The following RHBG variants were observed in gnomAD, a reference collection of about 807,000 sequenced individuals.
RHBG encodes the protein ammonium transporter Rh type B.
In RHBG, 39 loss-of-function variants were observed where a neutral mutation model predicts 40.1. That is an observed-to-expected ratio of 0.97 (90% CI 0.75 to 1.27). RHBG has a LOEUF of 1.27. Among genes scored for constraint, RHBG ranks in the 50% most tolerant of loss-of-function variants. RHBG has a pLI of 0.00. For synonymous variants in RHBG, 237 were observed against 252.5 expected (o/e 0.94, Z 0.58); for missense variants, 549 against 588.1 (o/e 0.93, Z 0.69).
chr1:156,384,983 C>T lies in RHBG; in HGVS notation c.*138C>T. 1 of 611,194 alleles carries T rather than the reference C, an allele frequency of 1.6e-6. No homozygotes were observed. The highest frequency in any genetic ancestry group is 2.9e-4 in the Middle Eastern group (1 of 3,500). The allele number at this position is 611,194 out of a possible 1,614,324, so 37.9% of individuals were successfully genotyped here. On this transcript the variant is annotated 3_prime_UTR_variant, in exon 10 of 10. Coordinates refer to ENST00000537040, the MANE Select transcript of RHBG (RefSeq NM_020407.5). ...CCAGAAGGAGGCCCCTTTCCACAGG[C>T]AGCGTCTCCACAGGGAGAGGGGCAA...
chr1:156,371,151 C>T (rs1266969864), intron 1 of RHBG: 2 of 431,992 alleles, frequency 4.6e-6, no homozygotes. Flanking sequence ...GCTCTCATTA[C>T]CTTATTTTCT....
chr1:156,375,784 G>A (rs1428762402), intron 1 of RHBG, among the ~76,000 whole-genome samples: 1 of 150,642 alleles, frequency 6.6e-6, no homozygotes, highest in Non-Finnish European at 1.5e-5. Context: ...TCTGTTGCCA[G>A]GCTGGAGTGC....
intron 8 of RHBG, among the ~76,000 whole-genome samples, chr1:156,383,828 ATTTTTTTTT>A (rs58771195): frequency 9.8e-6 from 1 of 101,832 alleles, no homozygotes; most frequent in Admixed American, 1.2e-4. Context: ...CGCCCGGCCT[ATTTTTTTTT>A]TTTTTTTTTT....
chr1:156,381,275 C>A (rs942679), intron 4 of RHBG, 72 bp from the exon 5 acceptor site: 611,159 of 1,492,558 alleles, frequency 0.41, 133,517 homozygotes, highest in Non-Finnish European at 0.45. Context: ...GATTTGCCTG[C>A]AGTTATACAA....
At position 156,377,258 on chromosome 1, in the gene RHBG, T is replaced by A. The variant is rs1248087066; in HGVS notation, c.188-43T>A. 4 of 1,593,410 alleles carry A rather than the reference T, an allele frequency of 2.5e-6. No individual in the cohort carries two copies. Among genetic ancestry groups the A allele is most frequent in the Non-Finnish European group, 3.4e-6 (4 of 1,165,288 alleles). ...AGCTGACTGGATTGTGGGCTATGGC[T>A]AGAGCAGCCCCCAAGTGCCCCGCCT... On this transcript the variant is annotated intron_variant, in intron 1 of 9. Transcript: ENST00000537040. The surrounding 1 kb of genome is among the most constrained non-coding windows in gnomAD (Gnocchi z 4.6).
At position 156,384,200 on chromosome 1, in the gene RHBG, G is replaced by C. The variant is rs190309659; in HGVS notation, c.1235-327G>C. ...AGAAAGCTCAGCAGCTGTGGTTCAT[G>C]ATGGAATCAGGAACTGGTCTATTAC... is the stretch of plus-strand genomic sequence containing the variant. On this transcript the variant is annotated intron_variant, in intron 8 of 9. Coordinates refer to ENST00000537040, the MANE Select transcript of RHBG (RefSeq NM_020407.5). Among the ~76,000 whole-genome samples, 50 of 152,318 alleles carry C rather than the reference G, an allele frequency of 3.3e-4. No individual in the cohort carries two copies. In the East Asian group the frequency reaches 9.3e-3, roughly 28 times the overall value.
chr1:156,378,344 G>C lies in RHBG; in HGVS notation c.618G>C (p.Glu206Asp), dbSNP rs1408326715. The change falls in exon 4 of 10, where the codon GAG becomes GAC. Residue 206 changes from glutamate (E) to aspartate (D), a missense_variant. Physicochemically the swap from Glu to Asp is conservative, Grantham distance 45. Transcript: ENST00000537040. ...LSRVLYRPQLEKSKHRQGSVY... is the reference protein window; with the variant it reads ...LSRVLYRPQLDKSKHRQGSVY... ...GGGTTCTGTACAGGCCCCAGCTGGAGAAGAGCAAGCACCGCCAGGGCTCCG... is the reference window on the plus strand; with the variant it reads ...GGGTTCTGTACAGGCCCCAGCTGGACAAGAGCAAGCACCGCCAGGGCTCCG... 1 of 1,613,598 alleles carries C rather than the reference G, an allele frequency of 6.2e-7. No individual in the cohort carries two copies. The highest frequency in any genetic ancestry group is 1.7e-5 in the Admixed American group (1 of 59,888).
rs1288154845 is a variant in RHBG, at chr1:156,378,347, G to C, written c.621G>C (p.Lys207Asn). 3 of 1,613,324 alleles carry C rather than the reference G, an allele frequency of 1.9e-6. No homozygotes were observed. In the East Asian group the frequency reaches 6.7e-5, roughly 36 times the overall value. The change falls in exon 4 of 10, where the codon AAG becomes AAC. Residue 207 changes from lysine to asparagine, a missense_variant. By Grantham distance (94) the Lys-to-Asn change is moderately conservative. Around this residue, in one of 3 missense-constraint regions of RHBG, gnomAD observed 399 missense variants for 417.0 expected, o/e 0.96. Transcript: ENST00000537040. Reference sequence around the variant, plus strand: ...TTCTGTACAGGCCCCAGCTGGAGAAGAGCAAGCACCGCCAGGGCTCCGTCT... The same window carrying C: ...TTCTGTACAGGCCCCAGCTGGAGAACAGCAAGCACCGCCAGGGCTCCGTCT... ...SRVLYRPQLE[K>N]SKHRQGSVYH...
intron 7 of RHBG, 132 bp from the exon 8 acceptor site, chr1:156,382,616 A>C: frequency 1.8e-6 from 2 of 1,118,548 alleles, no homozygotes; most frequent in Non-Finnish European, 2.6e-6. Flanking sequence ...TCAGCCTGGC[A>C]TGCACCCTCG....
chr1:156,381,491 G>T lies in RHBG; in HGVS notation c.818G>T (p.Gly273Val). The T allele has an allele frequency of 6.2e-7, 1 of 1,611,998 alleles. No homozygotes were observed. Among genetic ancestry groups the T allele is most frequent in the Non-Finnish European group, 8.5e-7 (1 of 1,178,674 alleles). The change falls in exon 5 of 10, where the codon GGG (glycine) becomes GTG (valine). Residue 273 changes from glycine to valine, a missense_variant. Around this residue, in one of 3 missense-constraint regions of RHBG, gnomAD observed 399 missense variants for 417.0 expected, o/e 0.96. Coordinates refer to ENST00000537040, the MANE Select transcript of RHBG (RefSeq NM_020407.5). The stretch of plus-strand genomic sequence containing the variant: ...ACCTTTGCCTTGTCAGCCCTTGTAG[G>T]GGAAGATGGGAGGCTTGACATGGTA... ...LGTFALSALV[G>V]EDGRLDMVHI...
intron 1 of RHBG, chr1:156,374,587 A>ATTTTTTTT: frequency 1.1e-5 from 4 of 380,776 alleles, no homozygotes; most frequent in Admixed American, 3.0e-5. Flanking sequence ...ACAGGATTCC[A>ATTTTTTTT]TTTTTTTTTT....
At chr1:156,375,714 AT>A (rs1424153013) in intron 1 of RHBG, among the ~76,000 whole-genome samples, 1 of 151,934 alleles carries the variant, frequency 6.6e-6, no homozygotes, top group Non-Finnish European at 1.5e-5. Flanking sequence ...ATTCCACAAA[AT>A]AAAGGGGAGC....
chr1:156,383,518 C>CGGAG (rs1667819455), intron 8 of RHBG, among the ~76,000 whole-genome samples: 1 of 152,144 alleles, frequency 6.6e-6, no homozygotes, highest in Admixed American at 6.5e-5. Flanking sequence ...TTAGGTGATC[C>CGGAG]GCCCGCCTCG....
intron 1 of RHBG, chr1:156,371,542 C>T (rs1666863510): frequency 6.1e-6 from 1 of 163,686 alleles, no homozygotes; most frequent in African/African-American, 2.4e-5. Context: ...AAATGAAGCT[C>T]AAAATGCTAA....
intron 4 of RHBG, among the ~76,000 whole-genome samples, chr1:156,379,768 T>G (rs1039069819): frequency 1.3e-5 from 2 of 152,122 alleles, no homozygotes; most frequent in African/African-American, 4.8e-5. Context: ...AACAGACTAC[T>G]CAGGACACGG....
rs140993086 is a variant in RHBG, at chr1:156,370,804, G to A, written c.187+1368G>A. Reference sequence around the variant, plus strand: ...ACCCATCATGTGAGTGGCAGAGCTGGAACTAGAACTCAGGCATCCTAAACT... The same window carrying A: ...ACCCATCATGTGAGTGGCAGAGCTGAAACTAGAACTCAGGCATCCTAAACT... On this transcript the variant is annotated intron_variant, in intron 1 of 9. Transcript: ENST00000537040. Among the ~76,000 whole-genome samples, 13 of 152,050 alleles carry A rather than the reference G, an allele frequency of 8.5e-5. No homozygotes were observed. The East Asian group carries it at 2.5e-3, about 29-fold the overall frequency.
chr1:156,378,309 G>A lies in RHBG; in HGVS notation c.583G>A (p.Val195Ile), dbSNP rs764234493. The part of the protein sequence containing the change: ...IHTFGAYFGL[V>I]LSRVLYRPQL... ...CACCTTTGGTGCCTACTTCGGGCTC[G>A]TCCTTTCGCGGGTTCTGTACAGGCC... The change falls in exon 4 of 10, where the codon GTC (valine) becomes ATC (isoleucine). Residue 195 changes from valine (V) to isoleucine (I), a missense_variant. Val to Ile is a conservative substitution (Grantham distance 29). Transcript: ENST00000537040. The A allele has an allele frequency of 7.6e-5, 123 of 1,613,928 alleles. No homozygotes were observed. Among genetic ancestry groups the A allele is most frequent in the Admixed American group, 1.0e-4 (6 of 59,988 alleles).
chr1:156,378,561 TATC>T (rs1218064193), intron 4 of RHBG, 162 bp downstream of exon 4: 16 of 336,524 alleles, frequency 4.8e-5, no homozygotes, highest in East Asian at 1.7e-4. Flanking sequence ...TGCCTGCACT[TATC>T]ATTCTCAACA....
chr1:156,379,445 G>C (rs1191571876), intron 4 of RHBG, among the ~76,000 whole-genome samples: 1 of 152,138 alleles, frequency 6.6e-6, no homozygotes, highest in Non-Finnish European at 1.5e-5. Flanking sequence ...ATATGAAACA[G>C]AGAGGCTGGC....
Sources: gnomAD v4.1 joint callset for allele counts (sites outside exome capture counted in the v4.1 genomes callset) on GRCh38, gnomAD v4.1.1 for gene constraint, gnomAD v4.1.1 regional missense constraint, Gnocchi (gnomAD v3.1) non-coding constraint, MANE v1.5 for transcripts, NCBI Gene and HGNC (gene_info 2026-07-23, HGNC 2026-07-21) for gene names.